The following CDIN1 variants were observed in gnomAD, a reference collection of about 807,000 sequenced individuals.
CDIN1 encodes CDAN1-interacting nuclease 1.
In CDIN1, 33 loss-of-function variants were observed where a neutral mutation model predicts 45.3. The observed-to-expected ratio is 0.73, with a 90% confidence interval of 0.55 to 0.97. The LOEUF is 0.97. Ranked by LOEUF, CDIN1 falls within the 50% of genes least tolerant of loss-of-function variation. The probability of loss-of-function intolerance (pLI) is 0.00; values close to 1 mark genes in which losing one functional copy is unlikely to be tolerated. For synonymous variants in CDIN1, 118 were observed against 124.4 expected, an observed-to-expected ratio of 0.95 and a Z score of 0.34; for missense variants, 303 against 339.4, an observed-to-expected ratio of 0.89 and a Z score of 0.84.
intron 1 of CDIN1, among the ~76,000 whole-genome samples, chr15:36,598,649 C>G (rs2037951090): frequency 6.6e-6 from 1 of 152,028 alleles, no homozygotes; most frequent in Non-Finnish European, 1.5e-5. Flanking sequence ...TCAAGTGCCA[C>G]GTCTAATCTA....
intron 10 of CDIN1, among the ~76,000 whole-genome samples, chr15:36,807,813 A>G (rs902835363): frequency 3.3e-5 from 5 of 152,218 alleles, no homozygotes; most frequent in African/African-American, 9.6e-5. Flanking sequence ...TTCCAGCCCA[A>G]TGGGTGCATA....
chr15:36,789,187 C>T (rs1333556035), intron 10 of CDIN1, among the ~76,000 whole-genome samples: 1 of 152,176 alleles, frequency 6.6e-6, no homozygotes, highest in Non-Finnish European at 1.5e-5. Flanking sequence ...CTGACTGTCC[C>T]TAGTGCTTCC....
intron 1 of CDIN1, among the ~76,000 whole-genome samples, chr15:36,637,623 C>G (rs2039953357): frequency 6.6e-6 from 1 of 152,080 alleles, no homozygotes; most frequent in Non-Finnish European, 1.5e-5. Flanking sequence ...GCATTTATAC[C>G]CATCAGAAAT....
At chr15:36,677,509 T>C (rs191138232) in intron 5 of CDIN1, among the ~76,000 whole-genome samples, 154 of 152,276 alleles carry the variant, frequency 1.0e-3, no homozygotes, top group African/African-American at 3.6e-3. Flanking sequence ...AGCCTCAATC[T>C]ACTTCCATGT....
chr15:36,739,470 C>T (rs1342217246), intron 10 of CDIN1, among the ~76,000 whole-genome samples: 1 of 152,050 alleles, frequency 6.6e-6, no homozygotes, highest in East Asian at 1.9e-4. Context: ...AGGCTGTCTC[C>T]TCTCTCCCTC....
At chr15:36,674,937 G>T (rs932892290) in intron 5 of CDIN1, among the ~76,000 whole-genome samples, 1 of 152,080 alleles carries the variant, frequency 6.6e-6, no homozygotes, top group African/African-American at 2.4e-5. Context: ...AATGAGCAAA[G>T]AAATAAAGCA....
At chr15:36,718,247 A>G (rs1048047229) in intron 10 of CDIN1, among the ~76,000 whole-genome samples, 1 of 152,120 alleles carries the variant, frequency 6.6e-6, no homozygotes, top group Non-Finnish European at 1.5e-5. Flanking sequence ...TACCAATTCA[A>G]CACTGTTTTG....
chr15:36,747,937 A>G (rs1254275998), intron 10 of CDIN1, among the ~76,000 whole-genome samples: 1 of 152,184 alleles, frequency 6.6e-6, no homozygotes, highest in African/African-American at 2.4e-5. Flanking sequence ...AAATCAGCTA[A>G]TAAGGATTTT....
intron 5 of CDIN1, among the ~76,000 whole-genome samples, chr15:36,687,716 A>T (rs547301595): frequency 3.8e-4 from 58 of 152,318 alleles, no homozygotes; most frequent in African/African-American, 1.3e-3. Flanking sequence ...TGAAAAAAAA[A>T]TAACAAGGAT....
chr15:36,633,038 A>T (rs762457214), intron 1 of CDIN1, among the ~76,000 whole-genome samples: 1 of 152,200 alleles, frequency 6.6e-6, no homozygotes, highest in Non-Finnish European at 1.5e-5. Flanking sequence ...AAAGGGTGGG[A>T]CTTAGAGCAG....
chr15:36,687,191 G>C (rs1316703043), intron 5 of CDIN1, among the ~76,000 whole-genome samples: 3 of 152,040 alleles, frequency 2.0e-5, no homozygotes, highest in Non-Finnish European at 4.4e-5. Context: ...GAAAATAAGA[G>C]AGTAAAAATA....
chr15:36,606,006 C>T lies in CDIN1; in HGVS notation c.101+26045C>T, dbSNP rs554707310. 5.3e-5 allele frequency among the ~76,000 whole-genome samples: 8 copies of T among 152,058 alleles called. No individual in the cohort carries two copies. In the South Asian group the frequency reaches 8.3e-4, roughly 16 times the overall value. On this transcript the variant is annotated intron_variant, in intron 1 of 10. Coordinates refer to ENST00000566621, the MANE Select transcript of CDIN1 (RefSeq NM_001321759.2). ...TCTAGCTTATCACTTGCTTCATTAGCGTGCTTGAGGACAAGGAGTTTTTTT... is the reference window on the plus strand; with the variant it reads ...TCTAGCTTATCACTTGCTTCATTAGTGTGCTTGAGGACAAGGAGTTTTTTT...
intron 10 of CDIN1, among the ~76,000 whole-genome samples, chr15:36,795,306 A>T (rs2054766580): frequency 6.6e-6 from 1 of 152,242 alleles, no homozygotes; most frequent in Non-Finnish European, 1.5e-5. Flanking sequence ...AGTGTTCCTA[A>T]CACATCAAAA....
chr15:36,742,000 A>G (rs1272849053), intron 10 of CDIN1, among the ~76,000 whole-genome samples: 1 of 152,194 alleles, frequency 6.6e-6, no homozygotes, highest in African/African-American at 2.4e-5. Flanking sequence ...TAAAAATCAG[A>G]TTCAAAATCT....
intron 1 of CDIN1, among the ~76,000 whole-genome samples, chr15:36,604,122 T>G (rs2038239241): frequency 6.6e-6 from 1 of 152,120 alleles, no homozygotes; most frequent in Non-Finnish European, 1.5e-5. Context: ...ATCTTAAAAT[T>G]GGGCAGCTTG....
At chr15:36,688,933 C>T (rs887918598) in intron 5 of CDIN1, among the ~76,000 whole-genome samples, 1 of 152,144 alleles carries the variant, frequency 6.6e-6, no homozygotes, top group Non-Finnish European at 1.5e-5. Context: ...CACAGGCAGT[C>T]ACTTCCTAGA....
chr15:36,725,147 G>A (rs376243180), intron 10 of CDIN1, among the ~76,000 whole-genome samples: 18 of 152,168 alleles, frequency 1.2e-4, no homozygotes, highest in South Asian at 6.2e-4. Flanking sequence ...CTGCAACACC[G>A]AGGGACTCAG....
At chr15:36,617,180 ATGCCACCCCAGT>A (rs1187389921) in intron 1 of CDIN1, 2 of 894,776 alleles carry the variant, frequency 2.2e-6, no homozygotes, top group Non-Finnish European at 3.8e-6. Context: ...GGGAATACTG[ATGCCACCCCAGT>A]AACTCATAGA....
intron 5 of CDIN1, among the ~76,000 whole-genome samples, chr15:36,662,859 T>G (rs536095566): frequency 1.9e-4 from 28 of 149,978 alleles, no homozygotes; most frequent in African/African-American, 6.8e-4. Context: ...TTTTAGTTTT[T>G]TTTTTTTTTT....
Sources: allele counts gnomAD v4.1 joint callset (sites outside exome capture counted in the v4.1 genomes callset), GRCh38; gene constraint gnomAD v4.1.1; transcripts MANE v1.5; gene names NCBI Gene and HGNC (gene_info 2026-07-23, HGNC 2026-07-21).